ADGRB3: variants seen among roughly 807,000 people sequenced by gnomAD.
The protein encoded by ADGRB3 is adhesion G protein-coupled receptor B3.
ADGRB3 carries 37 observed loss-of-function variants against 193.4 expected under a neutral mutation model. That is an observed-to-expected ratio of 0.19 (90% CI 0.15 to 0.25). ADGRB3 has a LOEUF of 0.25. Ranked by LOEUF, ADGRB3 falls within the 10% of genes least tolerant of loss-of-function variation. The pLI, the probability that ADGRB3 is intolerant of heterozygous loss-of-function variation, is 1.00. For missense variants in ADGRB3, 1,637 were observed against 1,852.9 expected, an observed-to-expected ratio of 0.88 and a Z score of 2.14; for synonymous variants, 690 against 644.2, an observed-to-expected ratio of 1.07 and a Z score of -1.08.
intron 20 of ADGRB3, among the ~76,000 whole-genome samples, chr6:69,280,919 G>A (rs1767421798): frequency 6.6e-6 from 1 of 152,124 alleles, no homozygotes; most frequent in Non-Finnish European, 1.5e-5. Flanking sequence ...GCTGTAACAG[G>A]AAACAGAATC....
chr6:69,287,313 G>A (rs556402610), intron 20 of ADGRB3, among the ~76,000 whole-genome samples: 2 of 152,090 alleles, frequency 1.3e-5, no homozygotes, highest in African/African-American at 2.4e-5. Flanking sequence ...AATCTCTTCA[G>A]TCTCCAGAGG....
At chr6:68,953,417 AGGG>A (rs1316465671) in intron 6 of ADGRB3, among the ~76,000 whole-genome samples, 6 of 152,168 alleles carry the variant, frequency 3.9e-5, no homozygotes, top group Admixed American at 3.9e-4. Context: ...TGTAAGGTGT[AGGG>A]CATGAATCTC....
chr6:68,981,347 G>A (rs1266710469), intron 10 of ADGRB3, among the ~76,000 whole-genome samples: 2 of 151,566 alleles, frequency 1.3e-5, no homozygotes, highest in African/African-American at 4.8e-5. Flanking sequence ...TGTGTTTACA[G>A]CAAATAGTAA....
Position 69,031,555 on chromosome 6 carries a change from C to CTTTCTTTCTTTCTTTCTTTCTTTCT in ADGRB3, c.2107+13067_2107+13068insCTTTCTTTCTTTCTTTTCTTTCTTT, listed in dbSNP as rs1770703152. Among the ~76,000 whole-genome samples the CTTTCTTTCTTTCTTTCTTTCTTTCT allele has an allele frequency of 8.7e-4, 80 of 91,562 alleles. 1 individual carries two copies. Among genetic ancestry groups the CTTTCTTTCTTTCTTTCTTTCTTTCT allele is most frequent in the African/African-American group, 2.9e-3 (75 of 26,230 alleles). The allele number at this position is 91,562 out of a possible 152,430, so 60.1% of individuals were successfully genotyped here. On this transcript the variant is annotated intron_variant, in intron 13 of 31. Coordinates refer to ENST00000370598, the MANE Select transcript of ADGRB3 (RefSeq NM_001704.3). The stretch of plus-strand genomic sequence containing the variant: ...TTTCTTTCTTTCTTTCTTTCTTTTT[C>CTTTCTTTCTTTCTTTCTTTCTTTCT]TTTCTTTCTTTTCTTCCTCTGTCTC...
At chr6:69,304,967 C>T (rs1466554835) in intron 20 of ADGRB3, among the ~76,000 whole-genome samples, 1 of 151,540 alleles carries the variant, frequency 6.6e-6, no homozygotes, top group Non-Finnish European at 1.5e-5. Context: ...AGAATATGGA[C>T]TAAGGAGCTC....
chr6:68,792,038 A>G (rs1162712377), intron 3 of ADGRB3, among the ~76,000 whole-genome samples: 1 of 152,174 alleles, frequency 6.6e-6, no homozygotes, highest in Non-Finnish European at 1.5e-5. Flanking sequence ...TAAGAAAAAA[A>G]TTGGTAAAAA....
chr6:69,338,937 C>T lies in ADGRB3; in HGVS notation c.3210C>T (p.Ser1070=), dbSNP rs773475444. 1.1e-5 allele frequency: 18 copies of T among 1,613,582 alleles called. No individual in the cohort carries two copies. Among genetic ancestry groups the T allele is most frequent in the South Asian group, 7.7e-5 (7 of 91,068 alleles). ...GCAGTCAGATGAGTGAGCCTCATAGCGGTTTGACGCTCAAATGTGCCAAGT... is the reference window on the plus strand; with the variant it reads ...GCAGTCAGATGAGTGAGCCTCATAGTGGTTTGACGCTCAAATGTGCCAAGT... ...HRAGQMSEPH[S]GLTLKCAKCG... Residue 1070 remains serine (S), a synonymous_variant, in exon 25 of 32, where the codon AGC becomes AGT. Transcript: ENST00000370598.
At chr6:69,071,327 A>G (rs140964552) in intron 16 of ADGRB3, among the ~76,000 whole-genome samples, 4 of 150,110 alleles carry the variant, frequency 2.7e-5, no homozygotes, top group African/African-American at 7.3e-5. Flanking sequence ...AACCTATTTT[A>G]TAAATAAGAA....
chr6:68,739,182 G>T (rs941145849), intron 3 of ADGRB3, among the ~76,000 whole-genome samples: 2 of 152,126 alleles, frequency 1.3e-5, no homozygotes, highest in East Asian at 3.9e-4. Context: ...AAGGTAGAAG[G>T]CTGAATGACC....
chr6:68,798,486 G>C (rs1050613922), intron 3 of ADGRB3, among the ~76,000 whole-genome samples: 1 of 139,274 alleles, frequency 7.2e-6, no homozygotes, highest in Non-Finnish European at 1.5e-5. Flanking sequence ...TGAACTATGA[G>C]AACACATGGA....
chr6:69,087,188 T>C (rs1772575427), intron 17 of ADGRB3, among the ~76,000 whole-genome samples: 1 of 152,158 alleles, frequency 6.6e-6, no homozygotes, highest in South Asian at 2.1e-4. Flanking sequence ...TTTATTTTCT[T>C]TCATTGTTGT....
intron 3 of ADGRB3, among the ~76,000 whole-genome samples, chr6:68,905,477 T>A (rs1766517689): frequency 6.6e-6 from 1 of 152,210 alleles, no homozygotes; most frequent in Non-Finnish European, 1.5e-5. Context: ...ATTATAAAGT[T>A]ACTTGCAAAT....
At chr6:68,661,780 T>G (rs1362784323) in intron 3 of ADGRB3, among the ~76,000 whole-genome samples, 2 of 149,864 alleles carry the variant, frequency 1.3e-5, no homozygotes, top group African/African-American at 2.4e-5. Flanking sequence ...ATGAAGGAGG[T>G]AGAGGTTGAG....
At chr6:68,702,566 C>T (rs554453455) in intron 3 of ADGRB3, among the ~76,000 whole-genome samples, 1 of 152,216 alleles carries the variant, frequency 6.6e-6, no homozygotes, top group East Asian at 1.9e-4. Context: ...AGACAGCCTA[C>T]AGGGATCAGT....
At chr6:69,373,070 C>T (rs982613868) in intron 30 of ADGRB3, among the ~76,000 whole-genome samples, 1 of 152,000 alleles carries the variant, frequency 6.6e-6, no homozygotes. Flanking sequence ...TTACTGAAAT[C>T]ATACCATCTG....
At chr6:68,884,900 T>C (rs1205784592) in intron 3 of ADGRB3, among the ~76,000 whole-genome samples, 1 of 152,162 alleles carries the variant, frequency 6.6e-6, no homozygotes, top group Non-Finnish European at 1.5e-5. Flanking sequence ...CTATACCTCC[T>C]AGAAGTACTC....
intron 29 of ADGRB3, among the ~76,000 whole-genome samples, chr6:69,364,119 G>T (rs937645701): frequency 6.6e-6 from 1 of 151,970 alleles, no homozygotes; most frequent in African/African-American, 2.4e-5. Flanking sequence ...CACAGCAGAG[G>T]ATGGCCAAGA....
intron 3 of ADGRB3, among the ~76,000 whole-genome samples, chr6:68,838,754 G>C (rs1163726844): frequency 2.0e-5 from 3 of 152,188 alleles, no homozygotes; most frequent in Non-Finnish European, 2.9e-5. Flanking sequence ...GATATGCAAA[G>C]TGGATATGCT....
At chr6:68,864,462 GT>G (rs1340056357) in intron 3 of ADGRB3, among the ~76,000 whole-genome samples, 1 of 152,170 alleles carries the variant, frequency 6.6e-6, no homozygotes, top group African/African-American at 2.4e-5. Context: ...AAAGGAAGAA[GT>G]GTAGTTTTTC....
Sources: gnomAD v4.1 joint callset for allele counts (sites outside exome capture counted in the v4.1 genomes callset) on GRCh38, gnomAD v4.1.1 for gene constraint, MANE v1.5 for transcripts, NCBI Gene and HGNC (gene_info 2026-07-23, HGNC 2026-07-21) for gene names.